Variants in RANBP17 observed in about 807,000 individuals in gnomAD.
RANBP17 encodes RAN binding protein 17.
Under a neutral mutation model 141.2 loss-of-function variants are expected in RANBP17, and 158 were observed. The observed-to-expected ratio is 1.12, with a 90% CI of 0.98 to 1.28. RANBP17 has a LOEUF of 1.28. Among genes scored for constraint, RANBP17 ranks in the 50% most tolerant of loss-of-function variants. The probability of loss-of-function intolerance (pLI) is 0.00; values close to 1 mark genes in which losing one functional copy is unlikely to be tolerated. For synonymous variants in RANBP17, 430 were observed against 450.0 expected (o/e 0.96, Z 0.56); for missense variants, 1,438 against 1,290.7 (o/e 1.11, Z -1.75).
chr5:170,955,681 T>TATATATATATATACACAC lies in RANBP17; in HGVS notation c.1574+1980_1574+1981insTATATATATATACACACA, dbSNP rs769742239. Among the ~76,000 whole-genome samples the TATATATATATATACACAC allele has an allele frequency of 7.7e-5, 3 of 39,064 alleles. 1 individual carries two copies. The highest frequency in any genetic ancestry group is 2.3e-4 in the African/African-American group (3 of 13,210). The allele number at this position is 39,064 out of a possible 152,430, so 25.6% of individuals were successfully genotyped here. On this transcript the variant is annotated intron_variant, in intron 13 of 27. Coordinates refer to ENST00000523189, the MANE Select transcript of RANBP17 (RefSeq NM_022897.5). ...ATATATATATATATATATATATATA[T>TATATATATATATACACAC]ACACTGAATGAACTCTGTAGAGGAA...
At chr5:170,989,730 A>T (rs1778378806) in intron 14 of RANBP17, among the ~76,000 whole-genome samples, 1 of 151,754 alleles carries the variant, frequency 6.6e-6, no homozygotes, top group South Asian at 2.1e-4. Context: ...TTTTCCTCAG[A>T]TGTATACTGG....
chr5:170,909,178 AT>A (rs1334950651), intron 5 of RANBP17, among the ~76,000 whole-genome samples: 5 of 152,032 alleles, frequency 3.3e-5, no homozygotes, highest in African/African-American at 1.2e-4. Flanking sequence ...ATTATTTATA[AT>A]TTCTGCCTTG....
intron 14 of RANBP17, among the ~76,000 whole-genome samples, chr5:171,097,344 G>T (rs997309771): frequency 1.3e-5 from 2 of 151,928 alleles, no homozygotes; most frequent in African/African-American, 4.8e-5. Flanking sequence ...TCAAATTCTA[G>T]ATGTTAATAT....
chr5:171,225,007 T>C (rs1055887562), intron 22 of RANBP17, among the ~76,000 whole-genome samples: 1 of 152,192 alleles, frequency 6.6e-6, no homozygotes, highest in Non-Finnish European at 1.5e-5. Context: ...GAGAATTCAG[T>C]TAGGTAATGT....
intron 12 of RANBP17, among the ~76,000 whole-genome samples, chr5:170,939,638 G>A (rs939077185): frequency 3.3e-5 from 5 of 151,892 alleles, no homozygotes; most frequent in African/African-American, 9.7e-5. Flanking sequence ...TGCCCACCTC[G>A]GCCTCCCAAA....
chr5:171,022,826 A>G (rs1320143311), intron 14 of RANBP17, among the ~76,000 whole-genome samples: 2 of 152,124 alleles, frequency 1.3e-5, no homozygotes, highest in Admixed American at 1.3e-4. Flanking sequence ...TCCCCCTGGG[A>G]GCTTGGTAGG....
intron 14 of RANBP17, among the ~76,000 whole-genome samples, chr5:170,985,041 GCACACACAGACACA>G (rs1405279051): frequency 2.7e-5 from 4 of 150,092 alleles, no homozygotes; most frequent in South Asian, 4.2e-4. Context: ...AGACACACAG[GCACACACAGACACA>G]CACAGACACA....
intron 5 of RANBP17, among the ~76,000 whole-genome samples, chr5:170,902,694 G>A (rs10462897): frequency 0.6 from 91,491 of 151,964 alleles, 29,272 homozygotes; most frequent in South Asian, 0.9. Context: ...TGATCTTCAG[G>A]TGGAGTTTTT....
At chr5:171,213,804 T>G in intron 21 of RANBP17, 66 bp downstream of exon 21, 1 of 1,241,060 alleles carries the variant, frequency 8.1e-7, no homozygotes, top group South Asian at 1.2e-5. Context: ...ACAGTCAGAC[T>G]TTCTTTTTTG....
At chr5:171,156,892 G>A (rs1284514516) in intron 14 of RANBP17, among the ~76,000 whole-genome samples, 2 of 151,830 alleles carry the variant, frequency 1.3e-5, no homozygotes, top group African/African-American at 2.4e-5. Flanking sequence ...TTTTTTCTCC[G>A]GGGCATTTTT....
At chr5:170,937,365 CTT>C (rs772927010) in intron 12 of RANBP17, among the ~76,000 whole-genome samples, 3 of 152,108 alleles carry the variant, frequency 2.0e-5, no homozygotes, top group Non-Finnish European at 2.9e-5. Context: ...GGGTGTAACT[CTT>C]TGCATCAGCT....
chr5:170,956,776 G>A (rs1290850894), intron 13 of RANBP17, among the ~76,000 whole-genome samples: 1 of 147,932 alleles, frequency 6.8e-6, no homozygotes, highest in East Asian at 2.2e-4. Flanking sequence ...TAATCATCAA[G>A]CAGGGAAATA....
chr5:170,933,579 CT>C (rs1279674829), intron 12 of RANBP17, among the ~76,000 whole-genome samples: 1 of 152,224 alleles, frequency 6.6e-6, no homozygotes, highest in African/African-American at 2.4e-5. Flanking sequence ...CTACACAATG[CT>C]TTAAATGTGT....
At chr5:171,222,854 C>T (rs150003515) in intron 22 of RANBP17, among the ~76,000 whole-genome samples, 2,790 of 152,222 alleles carry the variant, frequency 0.018, 82 homozygotes, top group African/African-American at 0.056. Flanking sequence ...GTCTTGAACT[C>T]CTGACCTCAA....
At chr5:171,083,128 G>C (rs1284942058) in intron 14 of RANBP17, among the ~76,000 whole-genome samples, 1 of 152,062 alleles carries the variant, frequency 6.6e-6, no homozygotes, top group East Asian at 1.9e-4. Context: ...GAATTCCCTA[G>C]TTACTTTGCA....
At chr5:171,062,980 G>A (rs1268533167) in intron 14 of RANBP17, among the ~76,000 whole-genome samples, 7 of 151,800 alleles carry the variant, frequency 4.6e-5, no homozygotes, top group East Asian at 1.9e-4. Flanking sequence ...CATTCTTCAC[G>A]TAGTTCTCGA....
intron 14 of RANBP17, among the ~76,000 whole-genome samples, chr5:171,029,761 A>C (rs1478605002): frequency 6.6e-6 from 1 of 152,088 alleles, no homozygotes; most frequent in Non-Finnish European, 1.5e-5. Flanking sequence ...TTTTCAAAAA[A>C]ATTTTTTTAT....
intron 24 of RANBP17, among the ~76,000 whole-genome samples, chr5:171,258,704 CT>C (rs1766087328): frequency 6.6e-6 from 1 of 151,972 alleles, no homozygotes; most frequent in Non-Finnish European, 1.5e-5. Flanking sequence ...AACTGGACCC[CT>C]ATCTCACCAT....
At chr5:171,244,551 A>G (rs1765094214) in intron 24 of RANBP17, among the ~76,000 whole-genome samples, 1 of 152,046 alleles carries the variant, frequency 6.6e-6, no homozygotes, top group Non-Finnish European at 1.5e-5. Context: ...GGTTCAAGCA[A>G]TTATTGTGCC....
Sources: gnomAD v4.1 joint callset for allele counts (sites outside exome capture counted in the v4.1 genomes callset) on GRCh38, gnomAD v4.1.1 for gene constraint, MANE v1.5 for transcripts, NCBI Gene and HGNC (gene_info 2026-07-23, HGNC 2026-07-21) for gene names.